TMEM117: variants seen among roughly 807,000 people sequenced by gnomAD.
TMEM117 encodes transmembrane protein 117.
In TMEM117, 27 loss-of-function variants were observed where a neutral mutation model predicts 52.4. That is an observed-to-expected ratio of 0.51 (90% CI 0.38 to 0.71). TMEM117 has a LOEUF of 0.71. Among genes scored for constraint, TMEM117 ranks in the 30% least tolerant of loss-of-function variants. TMEM117 has a pLI of 0.00. For synonymous variants in TMEM117, 215 were observed against 206.3 expected, an observed-to-expected ratio of 1.04 and a Z score of -0.36; for missense variants, 556 against 630.5, an observed-to-expected ratio of 0.88 and a Z score of 1.26.
intron 5 of TMEM117, 123 bp downstream of exon 5, chr12:44,211,510 G>A: frequency 4.8e-6 from 3 of 622,332 alleles, no homozygotes; most frequent in Non-Finnish European, 8.3e-6. Context: ...TAGCTACTAT[G>A]CTCCATTAAA....
intron 3 of TMEM117, among the ~76,000 whole-genome samples, chr12:43,967,021 G>C (rs1027700535): frequency 2.6e-5 from 4 of 152,100 alleles, no homozygotes; most frequent in Non-Finnish European, 4.4e-5. Flanking sequence ...CCTACTTCCT[G>C]GTATTAAGCC....
chr12:44,245,972 T>G (rs920161622), intron 5 of TMEM117, among the ~76,000 whole-genome samples: 1 of 152,096 alleles, frequency 6.6e-6, no homozygotes, highest in African/African-American at 2.4e-5. Flanking sequence ...GTATGCACCA[T>G]TTTTTAAAAA....
the TMEM117 span, chr12:43,804,211 T>C: frequency 2.1e-6 from 1 of 472,162 alleles, no homozygotes; most frequent in Non-Finnish European, 4.2e-6. Flanking sequence ...ATGGAAGCAC[T>C]GACATTAGAA....
chr12:43,981,519 A>G (rs1438306649), intron 3 of TMEM117, among the ~76,000 whole-genome samples: 4 of 152,186 alleles, frequency 2.6e-5, no homozygotes, highest in Non-Finnish European at 5.9e-5. Flanking sequence ...TGGTAAAGCA[A>G]TGAGTTCCTT....
the TMEM117 span, chr12:43,805,868 C>T: frequency 1.3e-5 from 19 of 1,433,408 alleles, no homozygotes; most frequent in African/African-American, 2.1e-4. Context: ...CAGTCGCCTC[C>T]ACTGTCCCAG....
chr12:43,870,314 C>T (rs1039365568), intron 2 of TMEM117, among the ~76,000 whole-genome samples: 1 of 149,572 alleles, frequency 6.7e-6, no homozygotes, highest in East Asian at 2.0e-4. Context: ...GGCTGGAGTG[C>T]AGTGGTGTGA....
At chr12:44,089,483 C>T (rs1188972424) in intron 3 of TMEM117, among the ~76,000 whole-genome samples, 1 of 152,124 alleles carries the variant, frequency 6.6e-6, no homozygotes. Flanking sequence ...ATACTCAAAA[C>T]CACCTTTTCC....
At chr12:43,921,700 C>T (rs1292240213) in intron 2 of TMEM117, among the ~76,000 whole-genome samples, 1 of 152,062 alleles carries the variant, frequency 6.6e-6, no homozygotes, top group Non-Finnish European at 1.5e-5. Context: ...TTTACCTTTT[C>T]GTTTCTATGT....
At position 44,104,028 on chromosome 12, in the gene TMEM117, G is replaced by A. The variant is rs1450080331; in HGVS notation, c.411-39497G>A. Among the ~76,000 whole-genome samples, 6 of 152,058 alleles carry A rather than the reference G, an allele frequency of 3.9e-5. No individual in the cohort carries two copies. The South Asian group carries it at 1.0e-3, about 26-fold the overall frequency. ...CAGTATAAACTCTAATAAGAAGAGT[G>A]AAATTGGCACTTCTGGAAAGCAAGA... is the stretch of plus-strand genomic sequence containing the variant. On this transcript the variant is annotated intron_variant, in intron 3 of 7. Coordinates refer to ENST00000266534, the MANE Select transcript of TMEM117 (RefSeq NM_032256.3).
At chr12:44,120,749 C>T (rs1414595284) in intron 3 of TMEM117, among the ~76,000 whole-genome samples, 4 of 152,174 alleles carry the variant, frequency 2.6e-5, no homozygotes, top group Non-Finnish European at 5.9e-5. Context: ...ACTCTGATTG[C>T]TTAGGACCTC....
chr12:44,342,754 T>C (rs1255022344), intron 6 of TMEM117, among the ~76,000 whole-genome samples: 1 of 152,154 alleles, frequency 6.6e-6, no homozygotes, highest in Non-Finnish European at 1.5e-5. Flanking sequence ...TTTTCTTCTT[T>C]AGTAATAACT....
At chr12:44,323,902 T>C (rs1388964917) in intron 6 of TMEM117, among the ~76,000 whole-genome samples, 1 of 152,148 alleles carries the variant, frequency 6.6e-6, no homozygotes, top group African/African-American at 2.4e-5. Context: ...ATGTTAGTCT[T>C]ATAAATAAGC....
At chr12:44,188,888 C>A (rs956981767) in intron 4 of TMEM117, among the ~76,000 whole-genome samples, 16 of 151,958 alleles carry the variant, frequency 1.1e-4, no homozygotes, top group Non-Finnish European at 2.2e-4. Flanking sequence ...ATTGATGTAG[C>A]CCCAGTCTAG....
At chr12:44,268,915 A>C (rs764525854) in intron 5 of TMEM117, among the ~76,000 whole-genome samples, 5 of 152,092 alleles carry the variant, frequency 3.3e-5, no homozygotes, top group Non-Finnish European at 7.4e-5. Flanking sequence ...AGATAGCCAT[A>C]ATTTGTGCTT....
intron 4 of TMEM117, among the ~76,000 whole-genome samples, chr12:44,168,847 A>G (rs983670201): frequency 1.3e-5 from 2 of 152,190 alleles, no homozygotes; most frequent in Non-Finnish European, 2.9e-5. Flanking sequence ...CTGTTTCATA[A>G]CAATAATTCC....
At chr12:44,196,088 TTAAAAGAAAAAA>T (rs1949416668) in intron 4 of TMEM117, among the ~76,000 whole-genome samples, 2 of 151,794 alleles carry the variant, frequency 1.3e-5, no homozygotes, top group Non-Finnish European at 2.9e-5. Flanking sequence ...CTATGCCTCT[TTAAAAGAAAAAA>T]TAAAAGAAAG....
chr12:44,343,052 A>ATT (rs749038553), intron 6 of TMEM117, among the ~76,000 whole-genome samples: 10 of 146,194 alleles, frequency 6.8e-5, no homozygotes, highest in African/African-American at 2.5e-4. Flanking sequence ...TACCCAGCTA[A>ATT]TTTTTTTTTT....
intron 3 of TMEM117, among the ~76,000 whole-genome samples, chr12:43,972,187 G>A (rs961955018): frequency 1.4e-4 from 22 of 152,212 alleles, no homozygotes; most frequent in African/African-American, 5.1e-4. Flanking sequence ...TACTATGGGA[G>A]AAGACAGCAC....
chr12:44,021,260 C>G (rs1946451218), intron 3 of TMEM117, among the ~76,000 whole-genome samples: 1 of 152,094 alleles, frequency 6.6e-6, no homozygotes, highest in South Asian at 2.1e-4. Context: ...CTTTCTCCTC[C>G]CATCCTCCAC....
Sources: gnomAD v4.1 joint callset for allele counts (sites outside exome capture counted in the v4.1 genomes callset) on GRCh38, gnomAD v4.1.1 for gene constraint, MANE v1.5 for transcripts, NCBI Gene and HGNC (gene_info 2026-07-23, HGNC 2026-07-21) for gene names.